Variants in THSD7A observed in about 807,000 individuals in gnomAD.
THSD7A encodes the protein thrombospondin type-1 domain-containing protein 7A.
Under a neutral mutation model 231.3 loss-of-function variants are expected in THSD7A, and 96 were observed. The observed-to-expected ratio is 0.41, with a 90% confidence interval of 0.35 to 0.49. The LOEUF (loss-of-function observed/expected upper bound fraction) is 0.49, where lower values mean the gene tolerates loss of function less well. Ranked by LOEUF, THSD7A falls within the 20% of genes least tolerant of loss-of-function variation. THSD7A has a pLI of 0.05. For synonymous variants in THSD7A, 940 were observed against 743.3 expected (o/e 1.26, Z -4.30); for missense variants, 2,290 against 2,070.2 (o/e 1.11, Z -2.06).
intron 1 of THSD7A, among the ~76,000 whole-genome samples, chr7:11,733,982 C>T (rs991734815): frequency 1.3e-5 from 2 of 151,756 alleles, no homozygotes; most frequent in African/African-American, 2.4e-5. Context: ...TTTTCACCTT[C>T]TTAAAGGCAT....
intron 6 of THSD7A, among the ~76,000 whole-genome samples, chr7:11,500,014 C>T (rs190309283): frequency 5.8e-4 from 88 of 152,190 alleles, no homozygotes; most frequent in African/African-American, 1.9e-3. Flanking sequence ...CCCCTAGATA[C>T]ATAATCATCA....
Position 11,778,135 on chromosome 7 carries a change from C to A in THSD7A, c.190+53622G>T, listed in dbSNP as rs1299633921. 6.5e-5 allele frequency among the ~76,000 whole-genome samples: 6 copies of A among 92,884 alleles called. No homozygotes were observed. In the East Asian group the frequency reaches 9.3e-4, roughly 14 times the overall value. 60.9% of individuals were successfully genotyped at this position (92,884 alleles called of 152,430 possible). On this transcript the variant is annotated intron_variant, in intron 1 of 27. Transcript: ENST00000423059. ...TCCCGCCACTGCACTCCAGCCTGGG[C>A]GACAGAGCGAGACTCCGTCTCAAAA...
intron 1 of THSD7A, among the ~76,000 whole-genome samples, chr7:11,690,450 A>G (rs1329532719): frequency 6.6e-6 from 1 of 151,736 alleles, no homozygotes; most frequent in Non-Finnish European, 1.5e-5. Context: ...AATGGTAGTG[A>G]CAATTTATTC....
At chr7:11,607,988 G>C (rs1780790742) in intron 2 of THSD7A, among the ~76,000 whole-genome samples, 1 of 152,006 alleles carries the variant, frequency 6.6e-6, no homozygotes, top group South Asian at 2.1e-4. Flanking sequence ...ACGGTAATGA[G>C]GCCTCCCTGA....
chr7:11,505,512 A>C (rs1193347391), intron 6 of THSD7A, among the ~76,000 whole-genome samples: 4 of 151,988 alleles, frequency 2.6e-5, no homozygotes, highest in African/African-American at 4.8e-5. Context: ...AGTAATTCTC[A>C]TACTTGAATT....
intron 1 of THSD7A, among the ~76,000 whole-genome samples, chr7:11,746,266 G>A (rs547318849): frequency 2.2e-4 from 33 of 151,888 alleles, no homozygotes; most frequent in Non-Finnish European, 3.8e-4. Context: ...CCCTCACACC[G>A]TTTTTCCTAA....
chr7:11,670,199 A>G (rs1397871289), intron 1 of THSD7A, among the ~76,000 whole-genome samples: 2 of 152,166 alleles, frequency 1.3e-5, no homozygotes, highest in African/African-American at 4.8e-5. Context: ...GGGTATGGAG[A>G]GTGGGATATA....
intron 23 of THSD7A, among the ~76,000 whole-genome samples, chr7:11,397,519 A>G (rs531336634): frequency 3.3e-5 from 5 of 152,252 alleles, no homozygotes; most frequent in Non-Finnish European, 7.3e-5. Flanking sequence ...TTCATGACTA[A>G]AACACCAAAA....
intron 4 of THSD7A, among the ~76,000 whole-genome samples, chr7:11,560,817 G>C (rs1022512213): frequency 1.3e-5 from 2 of 152,062 alleles, no homozygotes; most frequent in Non-Finnish European, 2.9e-5. Context: ...GAAAAGCATT[G>C]ACAAGTCAAA....
At chr7:11,740,463 C>G (rs1782074850) in intron 1 of THSD7A, among the ~76,000 whole-genome samples, 1 of 151,936 alleles carries the variant, frequency 6.6e-6, no homozygotes. Flanking sequence ...ACACCAGATT[C>G]TTCAGCTACA....
intron 4 of THSD7A, among the ~76,000 whole-genome samples, chr7:11,545,338 A>G (rs780971960): frequency 1.6e-4 from 24 of 152,126 alleles, no homozygotes; most frequent in Non-Finnish European, 3.4e-4. Flanking sequence ...TGGGTATGAA[A>G]TTGTGAGGAA....
At position 11,372,850 on chromosome 7, in the gene THSD7A, A is replaced by G. The variant is rs1782110024; in HGVS notation, c.*2944T>C. On this transcript the variant is annotated 3_prime_UTR_variant, in exon 28 of 28. Transcript: ENST00000423059. ...ATTTAACTCATTATTGTCTCATGTC[A>G]GAAACAAAAATAAGGCCATTTTCAT... 6.6e-6 allele frequency: 1 copy of G among 152,090 alleles called. No homozygotes were observed. The allele number at this position is 152,090 out of a possible 1,614,324, so 9.4% of individuals were successfully genotyped here.
At chr7:11,452,485 T>C (rs1032686948) in intron 11 of THSD7A, among the ~76,000 whole-genome samples, 3 of 152,050 alleles carry the variant, frequency 2.0e-5, no homozygotes, top group Non-Finnish European at 4.4e-5. Flanking sequence ...TCATTTTTGA[T>C]TGATCCTAAA....
intron 19 of THSD7A, among the ~76,000 whole-genome samples, chr7:11,408,236 C>T (rs1783654600): frequency 6.6e-6 from 1 of 151,948 alleles, no homozygotes; most frequent in Admixed American, 6.6e-5. Flanking sequence ...TGGCCGGGTG[C>T]GGTGGCTCAT....
intron 6 of THSD7A, 89 bp downstream of exon 6, chr7:11,541,330 T>A: frequency 8.0e-7 from 1 of 1,243,986 alleles, no homozygotes; most frequent in South Asian, 1.3e-5. Context: ...TCAGTTATAA[T>A]GCGAGAAGAC....
At chr7:11,760,619 C>G (rs1782824669) in intron 1 of THSD7A, among the ~76,000 whole-genome samples, 1 of 152,028 alleles carries the variant, frequency 6.6e-6, no homozygotes, top group African/African-American at 2.4e-5. Context: ...CCTCTAGGCT[C>G]ACATAATCAC....
chr7:11,749,860 C>A (rs1433142303), intron 1 of THSD7A, among the ~76,000 whole-genome samples: 1 of 151,952 alleles, frequency 6.6e-6, no homozygotes, highest in Non-Finnish European at 1.5e-5. Context: ...ATACTCTTAT[C>A]AATGTTTACT....
chr7:11,435,587 C>T lies in THSD7A; in HGVS notation c.3065-6462G>A, dbSNP rs182139380. 4.5e-3 allele frequency among the ~76,000 whole-genome samples: 680 copies of T among 152,144 alleles called. 5 individuals are homozygous for T. The highest frequency in any genetic ancestry group is 0.015 in the African/African-American group (642 of 41,528). Reference sequence around the variant, plus strand: ...GGTGAGCTTTCTGTTTGGAAATGCACATCAGTGTGCTAAGAGAAAGATGCC... The same window carrying T: ...GGTGAGCTTTCTGTTTGGAAATGCATATCAGTGTGCTAAGAGAAAGATGCC... On this transcript the variant is annotated intron_variant, in intron 13 of 27. Coordinates refer to ENST00000423059, the MANE Select transcript of THSD7A (RefSeq NM_015204.3).
intron 1 of THSD7A, among the ~76,000 whole-genome samples, chr7:11,777,393 A>G (rs985060885): frequency 2.0e-5 from 3 of 150,546 alleles, no homozygotes; most frequent in African/African-American, 7.4e-5. Context: ...AAAAAAAACT[A>G]TGTTTCAGAT....
Sources: gnomAD v4.1 joint callset for allele counts (sites outside exome capture counted in the v4.1 genomes callset) on GRCh38, gnomAD v4.1.1 for gene constraint, MANE v1.5 for transcripts, NCBI Gene and HGNC (gene_info 2026-07-23, HGNC 2026-07-21) for gene names.